NEMP2: variants seen among roughly 807,000 people sequenced by gnomAD.
NEMP2 encodes the protein UPF0571 transmembrane protein.
Under a neutral mutation model 54.2 loss-of-function variants are expected in NEMP2, and 53 were observed. The observed-to-expected ratio is 0.98, with a 90% CI of 0.78 to 1.23. NEMP2 has a LOEUF of 1.23. Among genes scored for constraint, NEMP2 ranks in the 50% most tolerant of loss-of-function variants. The pLI, the probability that NEMP2 is intolerant of heterozygous loss-of-function variation, is 0.00. For synonymous variants in NEMP2, 197 were observed against 190.3 expected (o/e 1.04, Z -0.29); for missense variants, 455 against 511.3 (o/e 0.89, Z 1.06).
the NEMP2 span, chr2:190,436,809 C>T: frequency 6.2e-7 from 1 of 1,614,210 alleles, no homozygotes; most frequent in South Asian, 1.1e-5. The surrounding 1 kb of genome is among the most constrained non-coding windows in gnomAD (Gnocchi z 5.3). Context: ...AGGAGACAAC[C>T]ACTGTTATTG....
At chr2:190,499,134 T>C in the NEMP2 span, among the ~76,000 whole-genome samples, 4,375 of 152,132 alleles carry the variant, frequency 0.029, 236 homozygotes, top group African/African-American at 0.098. The surrounding 1 kb of genome is among the most constrained non-coding windows in gnomAD (Gnocchi z 6.0). Flanking sequence ...GGCGACAGAG[T>C]GAGACTCCGT....
chr2:190,546,215 AAT>A, the NEMP2 span, among the ~76,000 whole-genome samples: 3 of 152,214 alleles, frequency 2.0e-5, no homozygotes, highest in East Asian at 1.9e-4. The surrounding 1 kb of genome is among the most constrained non-coding windows in gnomAD (Gnocchi z 5.1). Flanking sequence ...ACAGACAGAA[AAT>A]TTTTTTTTTT....
intron 2 of NEMP2, among the ~76,000 whole-genome samples, chr2:190,524,361 A>T (rs189263324): frequency 6.6e-6 from 1 of 152,334 alleles, no homozygotes; most frequent in East Asian, 1.9e-4. Flanking sequence ...TCAAATCATC[A>T]CCTCAAAATA....
At chr2:190,460,903 A>T in the NEMP2 span, among the ~76,000 whole-genome samples, 6 of 152,344 alleles carry the variant, frequency 3.9e-5, no homozygotes, top group East Asian at 1.2e-3. Flanking sequence ...ATTTTGATGC[A>T]GATGTTCCTA....
chr2:190,622,917 T>C, the NEMP2 span, among the ~76,000 whole-genome samples: 4 of 152,184 alleles, frequency 2.6e-5, no homozygotes, highest in Admixed American at 2.6e-4. Flanking sequence ...TTGCAAACAA[T>C]ATATTAGATT....
the NEMP2 span, chr2:190,489,786 G>A: frequency 8.7e-6 from 14 of 1,614,016 alleles, 1 homozygote; most frequent in African/African-American, 2.7e-5. This position sits in a 1 kb window ranked among gnomAD's most constrained non-coding sequence, Gnocchi z 6.6. Flanking sequence ...GCAACCTTCC[G>A]AGGAATTGGC....
chr2:190,434,065 C>G, the NEMP2 span, among the ~76,000 whole-genome samples: 1 of 151,842 alleles, frequency 6.6e-6, no homozygotes, highest in Non-Finnish European at 1.5e-5. This position sits in a 1 kb window ranked among gnomAD's most constrained non-coding sequence, Gnocchi z 4.3. Context: ...CGTCTGTAGT[C>G]CTAGCTACTT....
At chr2:190,491,864 G>C in the NEMP2 span, among the ~76,000 whole-genome samples, 13 of 152,232 alleles carry the variant, frequency 8.5e-5, 2 homozygotes, top group African/African-American at 2.9e-4. The surrounding 1 kb of genome is among the most constrained non-coding windows in gnomAD (Gnocchi z 4.2). Context: ...GTTAATCAAG[G>C]AGGCACTAGA....
the NEMP2 span, among the ~76,000 whole-genome samples, chr2:190,552,338 ATTTTG>A: frequency 6.6e-6 from 1 of 151,994 alleles, no homozygotes; most frequent in African/African-American, 2.4e-5. Context: ...TGAGTTTTTT[ATTTTG>A]TTAAGTAGTT....
At chr2:190,422,645 C>T in the NEMP2 span, among the ~76,000 whole-genome samples, 3 of 152,074 alleles carry the variant, frequency 2.0e-5, no homozygotes, top group African/African-American at 7.2e-5. Context: ...ATTCGTTTGT[C>T]CCAGTGTTCT....
At chr2:190,545,127 A>T in the NEMP2 span, among the ~76,000 whole-genome samples, 1 of 74,408 alleles carries the variant, frequency 1.3e-5, no homozygotes, top group African/African-American at 3.3e-5. Flanking sequence ...ATAAAACAAA[A>T]AAGTAAGAAA....
the NEMP2 span, among the ~76,000 whole-genome samples, chr2:190,552,245 A>G: frequency 1.3e-5 from 2 of 152,092 alleles, no homozygotes; most frequent in Non-Finnish European, 2.9e-5. Flanking sequence ...TGCTGATATA[A>G]TTCAGGTCTT....
At chr2:190,465,522 C>A in the NEMP2 span, among the ~76,000 whole-genome samples, 1 of 151,812 alleles carries the variant, frequency 6.6e-6, no homozygotes, top group Non-Finnish European at 1.5e-5. This position sits in a 1 kb window ranked among gnomAD's most constrained non-coding sequence, Gnocchi z 4.6. Context: ...TAAAAAAATT[C>A]TAGGACCCTG....
the NEMP2 span, chr2:190,648,516 G>GTT: frequency 5.3e-3 from 654 of 123,824 alleles, 2 homozygotes; most frequent in South Asian, 0.023. Context: ...GCGCGCTGTT[G>GTT]TTTTTTTTTT....
At chr2:190,580,883 G>C in the NEMP2 span, among the ~76,000 whole-genome samples, 1 of 152,148 alleles carries the variant, frequency 6.6e-6, no homozygotes, top group Non-Finnish European at 1.5e-5. This position sits in a 1 kb window ranked among gnomAD's most constrained non-coding sequence, Gnocchi z 5.3. Context: ...TGGTGCAAAG[G>C]AAAGACATTT....
At chr2:190,476,996 T>C in the NEMP2 span, among the ~76,000 whole-genome samples, 22 of 137,254 alleles carry the variant, frequency 1.6e-4, no homozygotes, top group African/African-American at 6.1e-4. Flanking sequence ...TAGGTGGGAA[T>C]TGAACAATGT....
the NEMP2 span, among the ~76,000 whole-genome samples, chr2:190,561,761 T>C: frequency 6.6e-6 from 1 of 152,298 alleles, no homozygotes; most frequent in East Asian, 1.9e-4. The surrounding 1 kb of genome is among the most constrained non-coding windows in gnomAD (Gnocchi z 5.4). Flanking sequence ...TTATATATTC[T>C]GCAAAATAAA....
At chr2:190,553,120 AAAC>A in the NEMP2 span, 6 of 152,214 alleles carry the variant, frequency 3.9e-5, no homozygotes, top group African/African-American at 1.4e-4. Flanking sequence ...TAACACTAAA[AAAC>A]AACAATTCTT....
chr2:190,581,379 A>C, the NEMP2 span, among the ~76,000 whole-genome samples: 1 of 152,200 alleles, frequency 6.6e-6, no homozygotes, highest in African/African-American at 2.4e-5. Flanking sequence ...AAAAGTAACT[A>C]AAACACAGAA....
Sources: allele counts gnomAD v4.1 joint callset (sites outside exome capture counted in the v4.1 genomes callset), GRCh38; gene constraint gnomAD v4.1.1; non-coding constraint Gnocchi (gnomAD v3.1); transcripts MANE v1.5; gene names NCBI Gene and HGNC (gene_info 2026-07-23, HGNC 2026-07-21).